Variants in CERS6 observed in about 807,000 individuals in gnomAD.
The protein encoded by CERS6 is ceramide synthase 6, also known as LAG1 homolog, ceramide synthase 6.
CERS6 carries 26 observed loss-of-function variants against 56.8 expected under a neutral mutation model. The observed-to-expected ratio is 0.46, with a 90% CI of 0.34 to 0.63. The LOEUF (loss-of-function observed/expected upper bound fraction) is 0.63, where lower values mean the gene tolerates loss of function less well. CERS6 is among the 30% of genes least tolerant of loss of function. The pLI is 0.01. For missense variants in CERS6, 415 were observed against 467.5 expected, an observed-to-expected ratio of 0.89 and a Z score of 1.04; for synonymous variants, 164 against 173.3, an observed-to-expected ratio of 0.95 and a Z score of 0.42.
Position 168,769,677 on chromosome 2 carries a change from A to G in CERS6, c.*15A>G, listed in dbSNP as rs369195108. 2 of 1,609,178 alleles carry G rather than the reference A, an allele frequency of 1.2e-6. No homozygotes were observed. Among genetic ancestry groups the G allele is most frequent in the African/African-American group, 2.7e-5 (2 of 74,812 alleles). Reference sequence around the variant, plus strand: ...TGGATGATTAATTACTCAAAACTACAAGTCCCAAGCAAAGTGAACTATTTG... The same window carrying G: ...TGGATGATTAATTACTCAAAACTACGAGTCCCAAGCAAAGTGAACTATTTG... On this transcript the variant is annotated 3_prime_UTR_variant, in exon 10 of 10. Coordinates refer to ENST00000305747, the MANE Select transcript of CERS6 (RefSeq NM_203463.3).
chr2:168,698,376 T>C (rs1014047096), intron 6 of CERS6, among the ~76,000 whole-genome samples: 1 of 151,920 alleles, frequency 6.6e-6, no homozygotes, highest in Non-Finnish European at 1.5e-5. Flanking sequence ...TGGGATCTGC[T>C]TGGCTTCTGG....
intron 3 of CERS6, among the ~76,000 whole-genome samples, chr2:168,610,081 C>T (rs1054553512): frequency 2.0e-5 from 3 of 147,582 alleles, no homozygotes; most frequent in African/African-American, 4.9e-5. Context: ...GGGTTCATGC[C>T]GTTCTCCTGC....
chr2:168,717,956 C>T lies in CERS6; in HGVS notation c.823C>T (p.Arg275Ter), dbSNP rs776566248. The T allele has an allele frequency of 3.7e-6, 6 of 1,612,722 alleles. No homozygotes were observed. Among genetic ancestry groups the T allele is most frequent in the Non-Finnish European group, 4.2e-6 (5 of 1,178,850 alleles). ...VMFAVVFITT[R>*]LGIFPLWVLN... is the part of the protein sequence containing the mutation. ...GTTTGCCGTGGTTTTTATCACCACACGACTGGGTATATTTCCTCTCTGGTG... is the reference window on the plus strand; with the variant it reads ...GTTTGCCGTGGTTTTTATCACCACATGACTGGGTATATTTCCTCTCTGGTG... Residue 275 changes from arginine (R) to a stop codon, truncating the protein, a stop_gained, in exon 8 of 10, where the codon CGA becomes TGA. Transcript: ENST00000305747. LOFTEE classifies it high-confidence loss of function.
rs563042691 is a variant in CERS6 at position 168,670,977 on chromosome 2, C to G, written c.466-20057C>G. Among the ~76,000 whole-genome samples the G allele has an allele frequency of 8.1e-4, 65 of 80,478 alleles. 7 individuals carry two copies. In the South Asian group the frequency reaches 0.038, roughly 47 times the overall value. 52.8% of individuals were successfully genotyped at this position (80,478 alleles called of 152,430 possible). A position where few individuals can be genotyped will look rare whatever the true frequency, so the allele number is the denominator to read the frequency against. ...GCTGGATACATGCTTCCCCCCCCCC[C>G]CCCAGACGGAAGCTTGCTCTGTTGC... On this transcript the variant is annotated intron_variant, in intron 4 of 9. Transcript: ENST00000305747.
In CERS6 at chr2:168,735,578, TAAG is replaced by T. The variant is rs554393614; in HGVS notation, c.845+17604_845+17606del. Among the ~76,000 whole-genome samples, 894 of 152,074 alleles carry T rather than the reference TAAG, an allele frequency of 5.9e-3. 4 individuals carry two copies. The highest frequency in any genetic ancestry group is 8.7e-3 in the Non-Finnish European group (589 of 67,980). ...GTGAGCTTTTGTCACCAACAGCACTTAAGAAGTATTTTGGCCAGGTGCAGTGGC... is the reference window on the plus strand; with the variant it reads ...GTGAGCTTTTGTCACCAACAGCACTTAAGTATTTTGGCCAGGTGCAGTGGC... On this transcript the variant is annotated intron_variant, in intron 8 of 9. Coordinates refer to ENST00000305747, the MANE Select transcript of CERS6 (RefSeq NM_203463.3).
intron 6 of CERS6, among the ~76,000 whole-genome samples, chr2:168,706,657 A>C (rs1686948271): frequency 6.6e-6 from 1 of 152,198 alleles, no homozygotes; most frequent in South Asian, 2.1e-4. Context: ...TTTGAGAGTA[A>C]TATTGAATGG....
At position 168,456,650 on chromosome 2, in the gene CERS6, C is replaced by A; in HGVS notation, c.170+32C>A. On this transcript the variant is annotated intron_variant, in intron 1 of 9. Coordinates refer to ENST00000305747, the MANE Select transcript of CERS6 (RefSeq NM_203463.3). This position sits in a 1 kb window ranked among gnomAD's most constrained non-coding sequence, Gnocchi z 4.1. ...AGGGCTGAAGCCCCTCCTCCCCTCC[C>A]CCTGCGCACACACACGCGCGCACAC... is the stretch of plus-strand genomic sequence containing the variant. 1 of 1,602,332 alleles carries A rather than the reference C, an allele frequency of 6.2e-7. No homozygotes were observed. The highest frequency in any genetic ancestry group is 8.5e-7 in the Non-Finnish European group (1 of 1,172,858).
intron 1 of CERS6, among the ~76,000 whole-genome samples, chr2:168,468,913 G>GCAT: frequency 6.6e-6 from 1 of 152,120 alleles, no homozygotes; most frequent in East Asian, 1.9e-4. Flanking sequence ...TGCTGAGGGT[G>GCAT]TACATTAATA....
intron 1 of CERS6, among the ~76,000 whole-genome samples, chr2:168,546,801 AT>A (rs1185182257): frequency 6.6e-6 from 1 of 152,018 alleles, no homozygotes; most frequent in African/African-American, 2.4e-5. Context: ...ACAACTTTTA[AT>A]TTTTTTTGTT....
intron 4 of CERS6, among the ~76,000 whole-genome samples, chr2:168,652,843 C>T (rs1187909945): frequency 1.3e-5 from 2 of 152,174 alleles, no homozygotes; most frequent in Non-Finnish European, 1.5e-5. Flanking sequence ...TGCACAGACA[C>T]GTGCTCTTTC....
intron 3 of CERS6, among the ~76,000 whole-genome samples, chr2:168,599,680 T>A (rs1683886226): frequency 6.6e-6 from 1 of 152,240 alleles, no homozygotes; most frequent in Admixed American, 6.5e-5. Context: ...TTTATGTTGG[T>A]TTTATATATG....
At chr2:168,483,626 ATAT>A (rs1168642049) in intron 1 of CERS6, among the ~76,000 whole-genome samples, 2 of 152,192 alleles carry the variant, frequency 1.3e-5, no homozygotes. Context: ...AGCTGTTCTA[ATAT>A]TATGAGCACG....
intron 6 of CERS6, among the ~76,000 whole-genome samples, chr2:168,713,347 T>A (rs530823935): frequency 6.6e-6 from 1 of 152,306 alleles, no homozygotes; most frequent in East Asian, 1.9e-4. Context: ...CTACCCTAGA[T>A]GAAGAGTCTA....
intron 4 of CERS6, among the ~76,000 whole-genome samples, chr2:168,631,689 A>G (rs1248982491): frequency 1.0e-5 from 1 of 95,524 alleles, no homozygotes; most frequent in African/African-American, 4.2e-5. Context: ...TTATATTTAT[A>G]TATATTTAAT....
At chr2:168,489,040 TC>T (rs1694322507) in intron 1 of CERS6, among the ~76,000 whole-genome samples, 1 of 152,188 alleles carries the variant, frequency 6.6e-6, no homozygotes, top group Admixed American at 6.5e-5. Context: ...TGAGGTTATT[TC>T]CCTTAAGCCT....
chr2:168,504,358 G>A (rs1694637817), intron 1 of CERS6, among the ~76,000 whole-genome samples: 1 of 151,080 alleles, frequency 6.6e-6, no homozygotes, highest in African/African-American at 2.4e-5. Context: ...GTGACAGAGT[G>A]AGATCCCATT....
intron 4 of CERS6, among the ~76,000 whole-genome samples, chr2:168,637,485 A>T (rs1345821046): frequency 1.3e-5 from 2 of 152,308 alleles, no homozygotes; most frequent in East Asian, 3.9e-4. Context: ...GCCGTCTAAA[A>T]AAAAAGAAAA....
intron 3 of CERS6, among the ~76,000 whole-genome samples, chr2:168,568,539 C>T (rs897196623): frequency 6.6e-6 from 1 of 151,686 alleles, no homozygotes; most frequent in African/African-American, 2.4e-5. Flanking sequence ...GCATACCATC[C>T]AGAAATACAT....
intron 6 of CERS6, among the ~76,000 whole-genome samples, chr2:168,697,755 GC>G (rs1171465929): frequency 6.6e-6 from 1 of 152,086 alleles, no homozygotes; most frequent in Non-Finnish European, 1.5e-5. Flanking sequence ...ACAGCTCTTT[GC>G]CATTTTATCA....
Sources: allele counts gnomAD v4.1 joint callset (sites outside exome capture counted in the v4.1 genomes callset), GRCh38; gene constraint gnomAD v4.1.1; non-coding constraint Gnocchi (gnomAD v3.1); transcripts MANE v1.5; gene names NCBI Gene and HGNC (gene_info 2026-07-23, HGNC 2026-07-21).